The following PCNP variants were observed in gnomAD, a reference collection of about 807,000 sequenced individuals.
The protein encoded by PCNP is PEST proteolytic signal containing nuclear protein.
PCNP carries 6 observed loss-of-function variants against 21.8 expected under a neutral mutation model. The ratio of observed to expected loss-of-function variants is 0.28; its 90% CI spans 0.15 to 0.54. PCNP has a LOEUF of 0.54. PCNP is among the 20% of genes least tolerant of loss of function. The probability of loss-of-function intolerance (pLI) is 0.95; values close to 1 mark genes in which losing one functional copy is unlikely to be tolerated. For missense variants in PCNP, 161 were observed against 215.5 expected (o/e 0.75, Z 1.58); for synonymous variants, 67 against 73.2 (o/e 0.92, Z 0.43).
chr3:101,585,829 A>C (rs1576616899), intron 3 of PCNP, among the ~76,000 whole-genome samples: 1 of 152,312 alleles, frequency 6.6e-6, no homozygotes, highest in East Asian at 1.9e-4. Context: ...TAATTTTTAT[A>C]GTTGGGGTCT....
intron 1 of PCNP, among the ~76,000 whole-genome samples, chr3:101,578,684 A>G (rs1559957132): frequency 2.0e-5 from 3 of 152,188 alleles, no homozygotes; most frequent in East Asian, 1.9e-4. Flanking sequence ...GTATAGATCT[A>G]TATCTATAGC....
chr3:101,584,095 C>G (rs900504823), intron 2 of PCNP, among the ~76,000 whole-genome samples: 4 of 152,040 alleles, frequency 2.6e-5, no homozygotes, highest in Non-Finnish European at 5.9e-5. Context: ...CAGGACCTTA[C>G]AAGTTGAAGA....
At chr3:101,579,520 A>C in intron 1 of PCNP, 1 of 591,332 alleles carries the variant, frequency 1.7e-6, no homozygotes. Flanking sequence ...TGTAGTGTTT[A>C]GTTGAAGGGT....
At chr3:101,590,967 C>T (rs1251209903) in intron 4 of PCNP, among the ~76,000 whole-genome samples, 2 of 151,994 alleles carry the variant, frequency 1.3e-5, no homozygotes, top group Non-Finnish European at 2.9e-5. Context: ...TAGAGACAGA[C>T]AGGATCTTGC....
upstream of PCNP, chr3:101,574,151 C>T (rs1934721930): frequency 3.1e-5 from 47 of 1,527,820 alleles, no homozygotes; most frequent in South Asian, 5.1e-4. Flanking sequence ...CCCAAAAACT[C>T]GATGGTTGTT....
At chr3:101,582,063 G>A (rs947488782) in intron 2 of PCNP, among the ~76,000 whole-genome samples, 1 of 151,194 alleles carries the variant, frequency 6.6e-6, no homozygotes, top group Non-Finnish European at 1.5e-5. Flanking sequence ...TAATTGACAT[G>A]ATTCGTAATT....
chr3:101,582,684 T>C (rs1193742313), intron 2 of PCNP, among the ~76,000 whole-genome samples: 1 of 152,180 alleles, frequency 6.6e-6, no homozygotes, highest in Non-Finnish European at 1.5e-5. Context: ...AAGAAAACAC[T>C]GTAAAAAATG....
chr3:101,585,336 G>T, intron 2 of PCNP, 101 bp from the exon 3 acceptor site: 1 of 706,266 alleles, frequency 1.4e-6, no homozygotes, highest in South Asian at 2.0e-5. Flanking sequence ...AATTTCTGTG[G>T]AAATATAGTT....
chr3:101,583,884 G>A (rs1044158985), intron 2 of PCNP, among the ~76,000 whole-genome samples: 2 of 3,044 alleles, frequency 6.6e-4, no homozygotes, highest in East Asian at 0.5. Context: ...GCTGGTCTCG[G>A]AACTCCTGAC....
intron 3 of PCNP, among the ~76,000 whole-genome samples, chr3:101,587,663 C>T (rs3804775): frequency 0.22 from 33,453 of 150,118 alleles, 4,004 homozygotes; most frequent in East Asian, 0.29. Context: ...TGTAAAAGAC[C>T]ACTGGACTGG....
At chr3:101,591,147 A>G (rs1935783065) in intron 4 of PCNP, among the ~76,000 whole-genome samples, 1 of 152,236 alleles carries the variant, frequency 6.6e-6, no homozygotes, top group Non-Finnish European at 1.5e-5. Context: ...TAGATGCCAA[A>G]TACCAAAATA....
rs1005913316 is a variant in PCNP, at chr3:101,585,530, T to C, written c.354+19T>C. ...TGAAGATGTAAGTTGATATCGAGTT[T>C]TGTTTTTTTACTTTAACCAGTTATT... On this transcript the variant is annotated intron_variant, in intron 3 of 4. Transcript: ENST00000265260. 16 of 1,560,670 alleles carry C rather than the reference T, an allele frequency of 1.0e-5. No individual in the cohort carries two copies. The highest frequency in any genetic ancestry group is 1.3e-5 in the Non-Finnish European group (15 of 1,137,918).
chr3:101,581,276 TA>T (rs1477603498), intron 2 of PCNP, among the ~76,000 whole-genome samples: 5 of 152,290 alleles, frequency 3.3e-5, no homozygotes, highest in African/African-American at 9.6e-5. Flanking sequence ...ACTGCATAAA[TA>T]TTTAATGTTT....
chr3:101,584,681 C>G lies in PCNP; in HGVS notation c.280-756C>G, dbSNP rs543843575. On this transcript the variant is annotated intron_variant, in intron 2 of 4. Coordinates refer to ENST00000265260, the MANE Select transcript of PCNP (RefSeq NM_020357.3). Reference sequence around the variant, plus strand: ...CTGGGTTCAAGCGATTCTCCTGCCTCAGCCTCCCAAGTAACTAGGATTACA... The same window carrying G: ...CTGGGTTCAAGCGATTCTCCTGCCTGAGCCTCCCAAGTAACTAGGATTACA... Among the ~76,000 whole-genome samples, 598 of 152,274 alleles carry G rather than the reference C, an allele frequency of 3.9e-3. 11 individuals are homozygous for G. The highest frequency in any genetic ancestry group is 0.019 in the South Asian group (92 of 4,826).
At chr3:101,590,368 A>G in intron 4 of PCNP, 98 bp downstream of exon 4, 1 of 686,614 alleles carries the variant, frequency 1.5e-6, no homozygotes, top group South Asian at 1.7e-5. Flanking sequence ...TTTCTTGTGC[A>G]TTTGGGCAGA....
At chr3:101,581,211 T>C (rs747054975) in intron 2 of PCNP, among the ~76,000 whole-genome samples, 29 of 152,208 alleles carry the variant, frequency 1.9e-4, no homozygotes, top group Non-Finnish European at 3.5e-4. Context: ...TCTATTTCTG[T>C]ATTTCAGCTG....
chr3:101,584,524 A>AT (rs1350730426), intron 2 of PCNP, among the ~76,000 whole-genome samples: 4 of 152,146 alleles, frequency 2.6e-5, no homozygotes, highest in Non-Finnish European at 4.4e-5. Context: ...AGTAAAAAGC[A>AT]TTGTTACAGA....
At chr3:101,574,345 TG>T in intron 1 of PCNP, 66 bp downstream of exon 1, 11 of 518,224 alleles carry the variant, frequency 2.1e-5, no homozygotes, top group Non-Finnish European at 2.6e-5. Flanking sequence ...GCTCCCAGGG[TG>T]GGGGGAGTGG....
chr3:101,576,443 T>C, intron 1 of PCNP: 2 of 1,317,920 alleles, frequency 1.5e-6, no homozygotes, highest in South Asian at 1.5e-5. Flanking sequence ...TTTTTATTTT[T>C]TTCATAGGTA....
Sources: gnomAD v4.1 joint callset for allele counts (sites outside exome capture counted in the v4.1 genomes callset) on GRCh38, gnomAD v4.1.1 for gene constraint, MANE v1.5 for transcripts, NCBI Gene and HGNC (gene_info 2026-07-23, HGNC 2026-07-21) for gene names.